AGBL4: variants seen among roughly 807,000 people sequenced by gnomAD.
AGBL4 encodes the protein AGBL carboxypeptidase 4.
AGBL4 carries 58 observed loss-of-function variants against 66.4 expected under a neutral mutation model. That is an observed-to-expected ratio of 0.87 (90% CI 0.71 to 1.09). The LOEUF is 1.09. Among genes scored for constraint, AGBL4 ranks in the 50% least tolerant of loss-of-function variants. The probability of loss-of-function intolerance (pLI) is 0.00; values close to 1 mark genes in which losing one functional copy is unlikely to be tolerated. For synonymous variants in AGBL4, 234 were observed against 222.9 expected (o/e 1.05, Z -0.44); for missense variants, 579 against 631.0 (o/e 0.92, Z 0.88).
intron 2 of AGBL4, among the ~76,000 whole-genome samples, chr1:49,743,910 G>T (rs539162787): frequency 8.7e-6 from 1 of 115,046 alleles, no homozygotes; most frequent in East Asian, 3.2e-4. Context: ...ATTGTGGGGT[G>T]GGGGGAGGGG....
At chr1:49,477,539 A>G (rs929960896) in intron 3 of AGBL4, among the ~76,000 whole-genome samples, 4 of 152,142 alleles carry the variant, frequency 2.6e-5, no homozygotes, top group African/African-American at 9.6e-5. Context: ...TAATGTGGAT[A>G]CAACTTAAAT....
At chr1:49,063,195 A>T (rs1644433374) in intron 4 of AGBL4, among the ~76,000 whole-genome samples, 1 of 152,198 alleles carries the variant, frequency 6.6e-6, no homozygotes, top group African/African-American at 2.4e-5. Context: ...GAAGTCTATT[A>T]ACCCTTTATG....
intron 1 of AGBL4, among the ~76,000 whole-genome samples, chr1:50,019,298 T>TCACACA (rs1389025668): frequency 6.5e-5 from 5 of 76,984 alleles, no homozygotes; most frequent in East Asian, 9.8e-4. Context: ...TCTCTCTCTC[T>TCACACA]CTCTCTCTCA....
At chr1:48,798,598 A>G (rs1187600572) in intron 6 of AGBL4, among the ~76,000 whole-genome samples, 17 of 152,164 alleles carry the variant, frequency 1.1e-4, no homozygotes, top group African/African-American at 2.4e-5. Context: ...GCCACTGTCT[A>G]GAAGAATTTT....
chr1:48,868,205 T>C lies in AGBL4; in HGVS notation c.595-975A>G, dbSNP rs113406707. 5.4e-3 allele frequency among the ~76,000 whole-genome samples: 823 copies of C among 152,322 alleles called. 7 individuals are homozygous for C. The highest frequency in any genetic ancestry group is 7.2e-3 in the Non-Finnish European group (488 of 68,032). On this transcript the variant is annotated intron_variant, in intron 5 of 13. Coordinates refer to ENST00000371839, the MANE Select transcript of AGBL4 (RefSeq NM_032785.4). ...CCATTTTGAGAGTCATTGCTCTAGA[T>C]TACAAATTGCAGGAGCTTTCAATCA...
At chr1:49,249,053 A>G (rs1010398915) in intron 3 of AGBL4, among the ~76,000 whole-genome samples, 5 of 152,172 alleles carry the variant, frequency 3.3e-5, no homozygotes, top group Non-Finnish European at 7.4e-5. Flanking sequence ...GCTCCATTCC[A>G]GGTATAGGCC....
chr1:48,861,250 A>C (rs1156920355), intron 6 of AGBL4, among the ~76,000 whole-genome samples: 1 of 152,228 alleles, frequency 6.6e-6, no homozygotes, highest in African/African-American at 2.4e-5. Context: ...AAATCAATTA[A>C]GAACCATGGA....
intron 3 of AGBL4, among the ~76,000 whole-genome samples, chr1:49,514,288 A>G (rs939852918): frequency 6.6e-6 from 1 of 151,856 alleles, no homozygotes; most frequent in Non-Finnish European, 1.5e-5. Context: ...GGGCATCCCT[A>G]TCTTGTGCCA....
intron 6 of AGBL4, among the ~76,000 whole-genome samples, chr1:48,775,033 C>T (rs537589060): frequency 6.6e-6 from 1 of 152,184 alleles, no homozygotes; most frequent in Non-Finnish European, 1.5e-5. Context: ...TCAAGCCTAT[C>T]GTCTTGGGAA....
At chr1:48,848,406 T>C (rs751689505) in intron 6 of AGBL4, among the ~76,000 whole-genome samples, 5 of 152,228 alleles carry the variant, frequency 3.3e-5, no homozygotes, top group Non-Finnish European at 7.3e-5. Flanking sequence ...TTATTGTTCA[T>C]GGAAGAGCCA....
rs371737086 is a variant in AGBL4, at chr1:49,619,658, C to T, written c.282+77655G>A. ...TGGAACCAAAAAAGAGTCTGTATAG[C>T]GAAGACAATCCTAAGCTAAAAAAAA... On this transcript the variant is annotated intron_variant, in intron 3 of 13. Coordinates refer to ENST00000371839, the MANE Select transcript of AGBL4 (RefSeq NM_032785.4). Among the ~76,000 whole-genome samples, 23 of 152,108 alleles carry T rather than the reference C, an allele frequency of 1.5e-4. No individual in the cohort carries two copies. The East Asian group carries it at 1.5e-3, about 10-fold the overall frequency.
chr1:48,576,247 G>A (rs1385981626), intron 11 of AGBL4, among the ~76,000 whole-genome samples: 1 of 152,190 alleles, frequency 6.6e-6, no homozygotes, highest in African/African-American at 2.4e-5. Context: ...CTATGCATAT[G>A]AGGGATGTAG....
intron 5 of AGBL4, among the ~76,000 whole-genome samples, chr1:48,897,469 A>G (rs941267735): frequency 7.9e-5 from 12 of 152,126 alleles, no homozygotes; most frequent in Non-Finnish European, 5.9e-5. Context: ...TGATATACAG[A>G]TTTCCTTTCT....
chr1:49,090,982 C>T (rs550940166), intron 4 of AGBL4, among the ~76,000 whole-genome samples: 5 of 151,894 alleles, frequency 3.3e-5, no homozygotes, highest in South Asian at 2.1e-4. Flanking sequence ...AAGCAAACAA[C>T]GGGAAAAGGA....
chr1:49,051,447 T>G (rs868111007), intron 4 of AGBL4, among the ~76,000 whole-genome samples: 1 of 152,164 alleles, frequency 6.6e-6, no homozygotes, highest in South Asian at 2.1e-4. Flanking sequence ...CTTCATCTAC[T>G]CAGGGGCTGA....
chr1:49,385,839 T>C (rs1392863207), intron 3 of AGBL4, among the ~76,000 whole-genome samples: 2 of 152,086 alleles, frequency 1.3e-5, no homozygotes, highest in African/African-American at 4.8e-5. Flanking sequence ...AATGCCCTAA[T>C]ACAAAAGGGG....
At chr1:49,657,812 A>C (rs996249227) in intron 3 of AGBL4, among the ~76,000 whole-genome samples, 2 of 152,190 alleles carry the variant, frequency 1.3e-5, no homozygotes, top group African/African-American at 4.8e-5. Flanking sequence ...CATATGTAGA[A>C]AGCTGAAACT....
intron 3 of AGBL4, among the ~76,000 whole-genome samples, chr1:49,550,004 T>C (rs1245762044): frequency 2.0e-5 from 3 of 152,208 alleles, no homozygotes; most frequent in Non-Finnish European, 4.4e-5. Context: ...GATATTTTCC[T>C]GTTGGACAAG....
In AGBL4 at chr1:49,313,069, C is replaced by T. The variant is rs147263580; in HGVS notation, c.283-67205G>A. ...GCCCCAGTGTGTGATGTTCCCCTCCCTGTATCCATGTGTTCTCATTGTTCA... is the reference window on the plus strand; with the variant it reads ...GCCCCAGTGTGTGATGTTCCCCTCCTTGTATCCATGTGTTCTCATTGTTCA... On this transcript the variant is annotated intron_variant, in intron 3 of 13. Coordinates refer to ENST00000371839, the MANE Select transcript of AGBL4 (RefSeq NM_032785.4). Among the ~76,000 whole-genome samples, 1,347 of 152,084 alleles carry T rather than the reference C, an allele frequency of 8.9e-3. 17 individuals are homozygous for T. Among genetic ancestry groups the T allele is most frequent in the African/African-American group, 0.031 (1,292 of 41,502 alleles).
Sources: gnomAD v4.1 joint callset for allele counts (sites outside exome capture counted in the v4.1 genomes callset) on GRCh38, gnomAD v4.1.1 for gene constraint, MANE v1.5 for transcripts, NCBI Gene and HGNC (gene_info 2026-07-23, HGNC 2026-07-21) for gene names.